NELL1: variants seen among roughly 807,000 people sequenced by gnomAD.
NELL1 encodes the protein neural EGFL like 1, also known as protein kinase C-binding protein NELL1.
A neutral mutation model predicts 107.4 loss-of-function variants in NELL1; 76 were observed. The ratio of observed to expected loss-of-function variants is 0.71; its 90% CI spans 0.59 to 0.86. The LOEUF (loss-of-function observed/expected upper bound fraction) is 0.86. Among genes scored for constraint, NELL1 ranks in the 40% least tolerant of loss-of-function variants. The pLI is 0.00. For synonymous variants in NELL1, 353 were observed against 341.2 expected (o/e 1.03, Z -0.38); for missense variants, 1,024 against 1,005.5 (o/e 1.02, Z -0.25).
chr11:21,561,284 C>G (rs1480816858), intron 17 of NELL1, among the ~76,000 whole-genome samples: 3 of 152,040 alleles, frequency 2.0e-5, no homozygotes, highest in South Asian at 2.1e-4. Context: ...AGTTCATCCA[C>G]TTGCCTTCAT....
chr11:21,514,586 T>G (rs960409693), intron 15 of NELL1, among the ~76,000 whole-genome samples: 1 of 152,178 alleles, frequency 6.6e-6, no homozygotes, highest in African/African-American at 2.4e-5. Flanking sequence ...ATCTCTTTTT[T>G]GTTTTTTTTA....
chr11:20,890,235 C>T (rs1278872191), intron 5 of NELL1, among the ~76,000 whole-genome samples: 1 of 151,962 alleles, frequency 6.6e-6, no homozygotes, highest in Non-Finnish European at 1.5e-5. Flanking sequence ...GAAGTGAATC[C>T]CCAGCAAACT....
intron 3 of NELL1, among the ~76,000 whole-genome samples, chr11:20,787,068 A>AGGCACCAT (rs1431126204): frequency 6.6e-6 from 1 of 151,008 alleles, no homozygotes; most frequent in Non-Finnish European, 1.5e-5. Context: ...AGAGCCAAGC[A>AGGCACCAT]GGCACCATGA....
At chr11:21,421,131 C>A (rs1852657608) in intron 15 of NELL1, among the ~76,000 whole-genome samples, 1 of 152,002 alleles carries the variant, frequency 6.6e-6, no homozygotes, top group South Asian at 2.1e-4. Context: ...AAGAAGCATT[C>A]AAAAAATACA....
At chr11:20,941,064 G>A (rs1042605679) in intron 10 of NELL1, among the ~76,000 whole-genome samples, 7 of 152,058 alleles carry the variant, frequency 4.6e-5, no homozygotes, top group Non-Finnish European at 1.0e-4. Context: ...GCTTGAACCC[G>A]GGAGGCGGAG....
intron 15 of NELL1, among the ~76,000 whole-genome samples, chr11:21,378,713 G>A (rs974613784): frequency 7.6e-6 from 1 of 131,880 alleles, no homozygotes; most frequent in East Asian, 2.4e-4. Context: ...ACACACACTT[G>A]TACATTTTTT....
intron 13 of NELL1, among the ~76,000 whole-genome samples, chr11:21,148,782 G>A (rs780685262): frequency 2.0e-5 from 3 of 152,194 alleles, no homozygotes; most frequent in Middle Eastern, 3.2e-3. Flanking sequence ...AAGACCTTGA[G>A]TTTCTGAGTT....
chr11:21,176,568 A>G (rs927275826), intron 13 of NELL1, among the ~76,000 whole-genome samples: 2 of 151,852 alleles, frequency 1.3e-5, no homozygotes, highest in Non-Finnish European at 2.9e-5. Context: ...TAGTCACTAT[A>G]GCATTTTTAG....
In NELL1 at chr11:20,678,075, T is replaced by A. The variant is rs768381657; in HGVS notation, c.184+15T>A. On this transcript the variant is annotated intron_variant, in intron 2 of 19. Coordinates refer to ENST00000357134, the MANE Select transcript of NELL1 (RefSeq NM_006157.5). The stretch of plus-strand genomic sequence containing the variant: ...TTTATTTCAAGGTAAAGGCACCTCC[T>A]TTCTTGCATGGTGGCAGAGGTTGGG... 6.2e-7 allele frequency: 1 copy of A among 1,613,886 alleles called. No individual in the cohort carries two copies. Among genetic ancestry groups the A allele is most frequent in the Admixed American group, 1.7e-5 (1 of 60,020 alleles).
At chr11:20,689,354 A>T (rs1420396798) in intron 2 of NELL1, among the ~76,000 whole-genome samples, 2 of 151,532 alleles carry the variant, frequency 1.3e-5, no homozygotes, top group Non-Finnish European at 2.9e-5. Context: ...TTACATAGGT[A>T]TACATGTGTC....
chr11:21,111,672 C>G (rs1855111319), intron 12 of NELL1, among the ~76,000 whole-genome samples: 1 of 152,132 alleles, frequency 6.6e-6, no homozygotes, highest in South Asian at 2.1e-4. Context: ...TGGATGCTGG[C>G]TCTTAATCTT....
At chr11:20,742,319 G>A (rs1855909214) in intron 2 of NELL1, among the ~76,000 whole-genome samples, 1 of 152,130 alleles carries the variant, frequency 6.6e-6, no homozygotes, top group Non-Finnish European at 1.5e-5. Flanking sequence ...AGGTAGTAGG[G>A]GGAAACCAAG....
chr11:20,816,214 G>A (rs1857620023), intron 3 of NELL1, among the ~76,000 whole-genome samples: 1 of 152,108 alleles, frequency 6.6e-6, no homozygotes, highest in Non-Finnish European at 1.5e-5. Context: ...GTTAGGAATA[G>A]CGTTGAATCT....
At chr11:21,542,650 AT>A (rs1856319739) in intron 16 of NELL1, among the ~76,000 whole-genome samples, 2 of 151,628 alleles carry the variant, frequency 1.3e-5, no homozygotes, top group South Asian at 4.2e-4. Context: ...CCTTCTTTGC[AT>A]TTCTGGTGAT....
chr11:21,279,782 C>T (rs1848951322), intron 14 of NELL1, among the ~76,000 whole-genome samples: 1 of 152,206 alleles, frequency 6.6e-6, no homozygotes, highest in Admixed American at 6.5e-5. Flanking sequence ...TTTAGAGCAG[C>T]TTTATTCATA....
chr11:20,808,532 G>C (rs958006030), intron 3 of NELL1, among the ~76,000 whole-genome samples: 1 of 152,238 alleles, frequency 6.6e-6, no homozygotes, highest in South Asian at 2.1e-4. Context: ...TGTCTAACTA[G>C]GTCACATGGC....
In NELL1 at chr11:21,180,848, G is replaced by C. The variant is rs559491293; in HGVS notation, c.1427-48484G>C. ...CTCTTTTAAAGAAATCTTTCTCCAT[G>C]GATTTCCTTAATATCTTGTTTCAAA... On this transcript the variant is annotated intron_variant, in intron 13 of 19. Coordinates refer to ENST00000357134, the MANE Select transcript of NELL1 (RefSeq NM_006157.5). Among the ~76,000 whole-genome samples, 281 of 150,392 alleles carry C rather than the reference G, an allele frequency of 1.9e-3. 3 individuals carry two copies. The highest frequency in any genetic ancestry group is 3.2e-3 in the Non-Finnish European group (216 of 67,840).
At chr11:20,849,913 C>T (rs766874591) in intron 4 of NELL1, among the ~76,000 whole-genome samples, 4 of 152,134 alleles carry the variant, frequency 2.6e-5, no homozygotes, top group Non-Finnish European at 5.9e-5. Context: ...TCCCCGAGGG[C>T]GGAACCTGAG....
chr11:20,733,903 T>G (rs1216108539), intron 2 of NELL1, among the ~76,000 whole-genome samples: 1 of 152,178 alleles, frequency 6.6e-6, no homozygotes, highest in Non-Finnish European at 1.5e-5. Flanking sequence ...GACAGTCAAT[T>G]AACCAGTAGA....
Sources: gnomAD v4.1 joint callset for allele counts (sites outside exome capture counted in the v4.1 genomes callset) on GRCh38, gnomAD v4.1.1 for gene constraint, MANE v1.5 for transcripts, NCBI Gene and HGNC (gene_info 2026-07-23, HGNC 2026-07-21) for gene names.